The following HIP1 variants were observed in gnomAD, a reference collection of about 807,000 sequenced individuals.
HIP1 encodes the protein huntingtin-interacting protein 1.
HIP1 carries 65 observed loss-of-function variants against 147.6 expected under a neutral mutation model. The ratio of observed to expected loss-of-function variants is 0.44; its 90% CI spans 0.36 to 0.54. The LOEUF (loss-of-function observed/expected upper bound fraction) is 0.54. Ranked by LOEUF, HIP1 falls within the 20% of genes least tolerant of loss-of-function variation. HIP1 has a pLI of 0.00. For missense variants in HIP1, 1,061 were observed against 1,299.6 expected, an observed-to-expected ratio of 0.82 and a Z score of 2.82; for synonymous variants, 479 against 504.0, an observed-to-expected ratio of 0.95 and a Z score of 0.67.
chr7:75,581,986 C>T lies in HIP1; in HGVS notation c.542+89G>A. ...GGTCCCCATCCCAGCCACGGCCTCC[C>T]CCCATCAGGCCCTCCATGACCCTTA... On this transcript the variant is annotated intron_variant, in intron 6 of 30. Transcript: ENST00000336926. 3 of 1,075,382 alleles carry T rather than the reference C, an allele frequency of 2.8e-6. No individual in the cohort carries two copies. The Admixed American group carries it at 6.4e-5, about 23-fold the overall frequency. The allele number at this position is 1,075,382 out of a possible 1,614,324, so 66.6% of individuals were successfully genotyped here.
In HIP1 at chr7:75,680,384, C is replaced by T. The variant is rs1584945760; in HGVS notation, c.120+58417G>A. On this transcript the variant is annotated intron_variant, in intron 1 of 30. Transcript: ENST00000336926. ...AATATCTCCACCCATTTCTCTCTGC[C>T]TCTGTGGTCACCATCCTAACAGATC... is the stretch of plus-strand genomic sequence containing the variant. Among the ~76,000 whole-genome samples, 4 of 152,164 alleles carry T rather than the reference C, an allele frequency of 2.6e-5. No individual in the cohort carries two copies. In the South Asian group the frequency reaches 6.2e-4, roughly 24 times the overall value.
rs1381815461 is a variant in HIP1 at position 75,543,063 on chromosome 7, A to G, written c.2767-89T>C. Reference sequence around the variant, plus strand: ...ATTGCTCTGATGGTTCTTAGCAAACATATGTGGGCCAAACGGCAATCACCA... The same window carrying G: ...ATTGCTCTGATGGTTCTTAGCAAACGTATGTGGGCCAAACGGCAATCACCA... On this transcript the variant is annotated intron_variant, in intron 27 of 30. Transcript: ENST00000336926. 4 of 1,401,758 alleles carry G rather than the reference A, an allele frequency of 2.9e-6. No homozygotes were observed. The Admixed American group carries it at 6.8e-5, about 24-fold the overall frequency. The allele number at this position is 1,401,758 out of a possible 1,614,324, so 86.8% of individuals were successfully genotyped here.
Position 75,716,588 on chromosome 7 carries a change from C to T in HIP1, c.120+22213G>A, listed in dbSNP as rs367785833. Among the ~76,000 whole-genome samples the T allele has an allele frequency of 8.7e-5, 13 of 149,290 alleles. No individual in the cohort carries two copies. The East Asian group carries it at 1.4e-3, about 16-fold the overall frequency. On this transcript the variant is annotated intron_variant, in intron 1 of 30. Transcript: ENST00000336926. The stretch of plus-strand genomic sequence containing the variant: ...AGGCTGGAGTGCAGTGGTACAATCT[C>T]GGCTCACTGCAAGCTCCGCCTCCCG...
At chr7:75,639,519 G>C (rs1478312940) in intron 1 of HIP1, among the ~76,000 whole-genome samples, 1 of 151,924 alleles carries the variant, frequency 6.6e-6, no homozygotes, top group Non-Finnish European at 1.5e-5. Flanking sequence ...CGGTGGCGGG[G>C]ATCGCCGATC....
intron 5 of HIP1, among the ~76,000 whole-genome samples, chr7:75,585,047 A>C (rs1796201844): frequency 6.6e-6 from 1 of 151,268 alleles, no homozygotes; most frequent in Non-Finnish European, 1.5e-5. Flanking sequence ...TGGGGGTTTC[A>C]CTATGTTGGT....
intron 5 of HIP1, among the ~76,000 whole-genome samples, chr7:75,584,703 C>A (rs1207575040): frequency 1.3e-5 from 2 of 152,062 alleles, no homozygotes; most frequent in African/African-American, 4.8e-5. Flanking sequence ...CTCTATCAGC[C>A]CCGCAGCCCC....
At chr7:75,557,857 G>A (rs1178113297) in intron 15 of HIP1, 87 bp from the exon 16 acceptor site, 16 of 977,842 alleles carry the variant, frequency 1.6e-5, no homozygotes, top group African/African-American at 4.8e-5. Flanking sequence ...CAGGCTGTGC[G>A]TGCCCTAGAG....
At chr7:75,681,607 A>T (rs1358169890) in intron 1 of HIP1, among the ~76,000 whole-genome samples, 1 of 150,876 alleles carries the variant, frequency 6.6e-6, no homozygotes, top group Non-Finnish European at 1.5e-5. Flanking sequence ...CCCAGGCTCA[A>T]GTGATCCTCC....
intron 6 of HIP1, 86 bp downstream of exon 6, chr7:75,581,989 C>G (rs1413327542): frequency 3.6e-6 from 4 of 1,106,984 alleles, no homozygotes; most frequent in Middle Eastern, 2.0e-4. Context: ...GGCCTCCCCC[C>G]ATCAGGCCCT....
At chr7:75,689,978 T>G (rs1800392132) in intron 1 of HIP1, among the ~76,000 whole-genome samples, 1 of 152,166 alleles carries the variant, frequency 6.6e-6, no homozygotes, top group South Asian at 2.1e-4. Flanking sequence ...GATTTTATTT[T>G]TTTTCCGAAA....
At chr7:75,557,618 C>T in intron 16 of HIP1, 36 bp downstream of exon 16, 1 of 1,477,380 alleles carries the variant, frequency 6.8e-7, no homozygotes, top group Non-Finnish European at 9.5e-7. Flanking sequence ...CAACAGCCCC[C>T]TCCCTCATTT....
intron 1 of HIP1, among the ~76,000 whole-genome samples, chr7:75,639,402 C>G (rs1372884484): frequency 6.7e-6 from 1 of 150,056 alleles, no homozygotes; most frequent in African/African-American, 2.5e-5. Flanking sequence ...GGCGGGGGCG[C>G]GAGGGGAGAC....
At chr7:75,735,822 C>T (rs1554523575) in intron 1 of HIP1, among the ~76,000 whole-genome samples, 1 of 151,998 alleles carries the variant, frequency 6.6e-6, no homozygotes, top group African/African-American at 2.4e-5. Flanking sequence ...TCCAAAGTTA[C>T]TGGGACAACA....
chr7:75,712,121 G>A (rs782819322), intron 1 of HIP1, among the ~76,000 whole-genome samples: 7 of 152,164 alleles, frequency 4.6e-5, no homozygotes, highest in Non-Finnish European at 8.8e-5. Flanking sequence ...ACACCTCACC[G>A]TCGCTCGGCT....
Position 75,535,713 on chromosome 7 carries a change from A to ATTT in HIP1, c.*2456_*2458dup. Reference sequence around the variant, plus strand: ...CACTAGACTGTTTGCCCCATTTGTAATTTTTTTTTTTTTTTGAGACGGAGT... The same window carrying ATTT: ...CACTAGACTGTTTGCCCCATTTGTAATTTTTTTTTTTTTTTTTTGAGACGGAGT... On this transcript the variant is annotated 3_prime_UTR_variant, in exon 31 of 31. Transcript: ENST00000336926. 3.2e-5 allele frequency: 5 copies of ATTT among 156,208 alleles called. No homozygotes were observed. Among genetic ancestry groups the ATTT allele is most frequent in the East Asian group, 1.2e-4 (1 of 8,528 alleles). 9.7% of individuals were successfully genotyped at this position (156,208 alleles called of 1,614,324 possible). A position where few individuals can be genotyped will look rare whatever the true frequency, so the allele number is the denominator to read the frequency against.
intron 1 of HIP1, among the ~76,000 whole-genome samples, chr7:75,605,107 C>G (rs1162212010): frequency 2.6e-5 from 4 of 152,154 alleles, no homozygotes; most frequent in African/African-American, 9.7e-5. Context: ...TTACCCACTT[C>G]TGTCATATAT....
intron 1 of HIP1, among the ~76,000 whole-genome samples, chr7:75,610,862 A>G (rs1360786788): frequency 2.0e-5 from 3 of 147,580 alleles, no homozygotes; most frequent in African/African-American, 7.4e-5. Context: ...ATATATATTT[A>G]TATATATTAA....
intron 1 of HIP1, among the ~76,000 whole-genome samples, chr7:75,615,437 G>C (rs1312600130): frequency 1.3e-5 from 2 of 152,024 alleles, no homozygotes; most frequent in African/African-American, 4.8e-5. Flanking sequence ...CTGTAGTGGT[G>C]GCTACTTGGG....
rs1554493421 is a variant in HIP1, at chr7:75,556,709, C to G, written c.1683+1G>C. 3.8e-6 allele frequency: 6 copies of G among 1,595,496 alleles called. No homozygotes were observed. The highest frequency in any genetic ancestry group is 5.2e-6 in the Non-Finnish European group (6 of 1,164,814). ...TCCAAAAAAAAAAAGGAGGTATTTA[C>G]CTGGGCAGAAGTTTCCAGGCTGCCT... is the stretch of plus-strand genomic sequence containing the variant. On this transcript the variant is annotated splice_donor_variant, in intron 17 of 30. Coordinates refer to ENST00000336926, the MANE Select transcript of HIP1 (RefSeq NM_005338.7). LOFTEE classifies it high-confidence loss of function.
Sources: gnomAD v4.1 joint callset for allele counts (sites outside exome capture counted in the v4.1 genomes callset) on GRCh38, gnomAD v4.1.1 for gene constraint, MANE v1.5 for transcripts, NCBI Gene and HGNC (gene_info 2026-07-23, HGNC 2026-07-21) for gene names.